ELMO1: variants seen among roughly 807,000 people sequenced by gnomAD.
ELMO1 encodes the protein engulfment and cell motility protein 1.
A neutral mutation model predicts 98.9 loss-of-function variants in ELMO1; 26 were observed. That is an observed-to-expected ratio of 0.26 (90% confidence interval 0.19 to 0.36). ELMO1 has a LOEUF of 0.36. Ranked by LOEUF, ELMO1 falls within the 10% of genes least tolerant of loss-of-function variation. The pLI is 1.00. For missense variants in ELMO1, 627 were observed against 935.2 expected (o/e 0.67, Z 4.30); for synonymous variants, 346 against 346.0 (o/e 1.00, Z 0.00).
chr7:37,328,916 T>C (rs1799959811), intron 2 of ELMO1, among the ~76,000 whole-genome samples: 1 of 152,242 alleles, frequency 6.6e-6, no homozygotes, highest in South Asian at 2.1e-4. Context: ...TTTATTCATC[T>C]TCTTCTAGTT....
At chr7:36,912,832 A>G (rs1454730214) in intron 16 of ELMO1, among the ~76,000 whole-genome samples, 1 of 152,198 alleles carries the variant, frequency 6.6e-6, no homozygotes, top group African/African-American at 2.4e-5. Context: ...ATATTAAATT[A>G]GATAACATAA....
At position 37,096,609 on chromosome 7, in the gene ELMO1, G is replaced by A; in HGVS notation, c.1300+10C>T. 1.9e-6 allele frequency: 3 copies of A among 1,612,770 alleles called. No homozygotes were observed. Among genetic ancestry groups the A allele is most frequent in the Non-Finnish European group, 2.5e-6 (3 of 1,178,774 alleles). ...AGCTTCACACCCATGTGGGAAATAA[G>A]TATACTTACGCAACTCGCCCACTTT... On this transcript the variant is annotated intron_variant, in intron 15 of 21. Coordinates refer to ENST00000310758, the MANE Select transcript of ELMO1 (RefSeq NM_014800.11).
At chr7:37,034,708 G>C (rs959498704) in intron 15 of ELMO1, among the ~76,000 whole-genome samples, 24 of 152,064 alleles carry the variant, frequency 1.6e-4, no homozygotes, top group South Asian at 4.1e-4. Context: ...GATGTTGTTT[G>C]GGGGCAAGTA....
chr7:37,398,936 G>C (rs1339111160), intron 1 of ELMO1, among the ~76,000 whole-genome samples: 1 of 152,180 alleles, frequency 6.6e-6, no homozygotes, highest in Non-Finnish European at 1.5e-5. Context: ...GTGCGGCATG[G>C]AGCAGTATCC....
chr7:37,424,742 G>C (rs1248706855), intron 1 of ELMO1, among the ~76,000 whole-genome samples: 1 of 152,100 alleles, frequency 6.6e-6, no homozygotes, highest in Non-Finnish European at 1.5e-5. Flanking sequence ...GGTCAATGCT[G>C]TTCAGAACTG....
At chr7:37,306,383 A>G (rs1223216262) in intron 4 of ELMO1, among the ~76,000 whole-genome samples, 12 of 152,236 alleles carry the variant, frequency 7.9e-5, no homozygotes, top group Admixed American at 6.5e-4. Flanking sequence ...CACCTTGAAC[A>G]CTGGCTTAAG....
intron 2 of ELMO1, among the ~76,000 whole-genome samples, chr7:37,321,729 A>AAAAAAAAAAAAAAAAAAAAC (rs1306951906): frequency 6.7e-6 from 1 of 150,170 alleles, no homozygotes; most frequent in African/African-American, 2.5e-5. Flanking sequence ...AAAAAAAAAA[A>AAAAAAAAAAAAAAAAAAAAC]AAAAAAAAAC....
intron 13 of ELMO1, among the ~76,000 whole-genome samples, chr7:37,166,869 C>T (rs1431839412): frequency 1.3e-5 from 2 of 152,048 alleles, no homozygotes; most frequent in African/African-American, 4.8e-5. Flanking sequence ...TGGTGGAGAG[C>T]TGAGTTCAAT....
At chr7:37,212,479 T>C (rs910755715) in intron 12 of ELMO1, among the ~76,000 whole-genome samples, 3 of 152,104 alleles carry the variant, frequency 2.0e-5, no homozygotes, top group African/African-American at 7.2e-5. Context: ...TTAAGAGGCA[T>C]TGCTCTCTGC....
chr7:37,321,513 C>T (rs979880443), intron 2 of ELMO1, among the ~76,000 whole-genome samples: 1 of 151,660 alleles, frequency 6.6e-6, no homozygotes, highest in East Asian at 2.0e-4. Context: ...GTCAGGAGAT[C>T]GAGAGCATCC....
chr7:36,920,961 C>G (rs1353798516), intron 16 of ELMO1, among the ~76,000 whole-genome samples: 2 of 152,012 alleles, frequency 1.3e-5, no homozygotes, highest in Admixed American at 1.3e-4. Context: ...AGAGGTGGAG[C>G]CTTTGAAGGG....
At chr7:37,278,712 A>G (rs937343992) in intron 4 of ELMO1, among the ~76,000 whole-genome samples, 1 of 152,192 alleles carries the variant, frequency 6.6e-6, no homozygotes, top group African/African-American at 2.4e-5. Flanking sequence ...TCCTACTGGT[A>G]CTGCATCTCT....
intron 16 of ELMO1, among the ~76,000 whole-genome samples, chr7:36,902,672 T>C (rs1783664461): frequency 6.6e-6 from 1 of 152,200 alleles, no homozygotes; most frequent in Admixed American, 6.5e-5. Context: ...ATACCTGGAT[T>C]TGTGACCATC....
intron 1 of ELMO1, among the ~76,000 whole-genome samples, chr7:37,362,283 AC>A (rs1801730369): frequency 2.6e-5 from 4 of 151,948 alleles, no homozygotes; most frequent in Non-Finnish European, 5.9e-5. Context: ...ACTACCTCCC[AC>A]CAGGTATGCT....
In ELMO1 at chr7:37,184,918, T is replaced by C. The variant is rs1394675321; in HGVS notation, c.1086+26468A>G. Among the ~76,000 whole-genome samples the C allele has an allele frequency of 2.0e-5, 3 of 152,066 alleles. No individual in the cohort carries two copies. The East Asian group carries it at 5.8e-4, about 29-fold the overall frequency. ...GTCTCAAAAGAAAAAAAAAAGTCCA[T>C]CACGAATTACTTCATTGCTATCCTT... On this transcript the variant is annotated intron_variant, in intron 13 of 21. Coordinates refer to ENST00000310758, the MANE Select transcript of ELMO1 (RefSeq NM_014800.11).
intron 1 of ELMO1, among the ~76,000 whole-genome samples, chr7:37,394,242 T>C (rs180875920): frequency 6.6e-6 from 1 of 152,066 alleles, no homozygotes; most frequent in African/African-American, 2.4e-5. Flanking sequence ...CTTGACCAGG[T>C]GGAGGGGGAA....
rs545241176 is a variant in ELMO1 at position 36,985,940 on chromosome 7, A to G, written c.1437+27359T>C. On this transcript the variant is annotated intron_variant, in intron 16 of 21. Transcript: ENST00000310758. The stretch of plus-strand genomic sequence containing the variant: ...TTACTCACCAAGCTCCCGTAAGTCC[A>G]TCTTTCCCAACCACAAATACTGATT... 23 of 1,003,026 alleles carry G rather than the reference A, an allele frequency of 2.3e-5. No individual in the cohort carries two copies. In the Admixed American group the frequency reaches 4.3e-4, roughly 19 times the overall value. 62.1% of individuals were successfully genotyped at this position (1,003,026 alleles called of 1,614,324 possible).
At chr7:37,145,647 C>T (rs1787933319) in intron 13 of ELMO1, among the ~76,000 whole-genome samples, 2 of 152,164 alleles carry the variant, frequency 1.3e-5, no homozygotes, top group South Asian at 2.1e-4. Flanking sequence ...CCATGCTAGT[C>T]CTTTATTAGC....
At chr7:37,128,014 GA>G (rs1786653203) in intron 14 of ELMO1, among the ~76,000 whole-genome samples, 1 of 152,058 alleles carries the variant, frequency 6.6e-6, no homozygotes, top group Non-Finnish European at 1.5e-5. Context: ...CCAACACGGC[GA>G]AACCCCATCT....
Sources: allele counts gnomAD v4.1 joint callset (sites outside exome capture counted in the v4.1 genomes callset), GRCh38; gene constraint gnomAD v4.1.1; transcripts MANE v1.5; gene names NCBI Gene and HGNC (gene_info 2026-07-23, HGNC 2026-07-21).